RANBP2: variants seen among roughly 807,000 people sequenced by gnomAD.
RANBP2 encodes RAN binding protein 2.
Under a neutral mutation model 303.6 loss-of-function variants are expected in RANBP2, and 57 were observed. That is an observed-to-expected ratio of 0.19 (90% CI 0.15 to 0.23). The LOEUF (loss-of-function observed/expected upper bound fraction) is 0.23, where lower values mean the gene tolerates loss of function less well. RANBP2 is among the 10% of genes least tolerant of loss of function. The pLI is 1.00. For synonymous variants in RANBP2, 1,167 were observed against 1,301.5 expected (o/e 0.90, Z 2.23); for missense variants, 3,138 against 3,780.8 (o/e 0.83, Z 4.46).
At chr2:109,185,580 C>A in the RANBP2 span, among the ~76,000 whole-genome samples, 3 of 152,106 alleles carry the variant, frequency 2.0e-5, no homozygotes, top group African/African-American at 4.8e-5. Context: ...TTTGGCCAGG[C>A]GTTGGTTTTC....
At chr2:109,236,749 C>T in the RANBP2 span, among the ~76,000 whole-genome samples, 1 of 152,140 alleles carries the variant, frequency 6.6e-6, no homozygotes, top group East Asian at 1.9e-4. Flanking sequence ...TTCCTGTTTG[C>T]AAACTGGTGC....
intron 6 of RANBP2, among the ~76,000 whole-genome samples, chr2:108,739,465 T>A (rs928517916): frequency 3.4e-4 from 51 of 151,202 alleles, no homozygotes; most frequent in African/African-American, 1.1e-3. Flanking sequence ...AAAATATAAA[T>A]TTTTTTTTGG....
At chr2:109,680,755 G>T in the RANBP2 span, among the ~76,000 whole-genome samples, 5 of 152,094 alleles carry the variant, frequency 3.3e-5, no homozygotes, top group Non-Finnish European at 2.9e-5. Context: ...TTTTTCAAGT[G>T]ATTACTTTGC....
intron 25 of RANBP2, among the ~76,000 whole-genome samples, chr2:108,780,175 C>T (rs940181867): frequency 7.1e-6 from 1 of 140,514 alleles, no homozygotes. Context: ...AATTTACTAG[C>T]TTTTTTTTTT....
chr2:108,753,671 G>A, intron 14 of RANBP2, 108 bp downstream of exon 14: 5 of 1,585,754 alleles, frequency 3.2e-6, no homozygotes, highest in Non-Finnish European at 4.3e-6. Context: ...GCACAATCTT[G>A]GCTCACTGCA....
chr2:108,794,700 T>C, the RANBP2 span: 3 of 1,612,748 alleles, frequency 1.9e-6, no homozygotes, highest in Middle Eastern at 3.3e-4. Flanking sequence ...ACGAATTATT[T>C]CAGATACATC....
At chr2:109,643,469 C>G in the RANBP2 span, among the ~76,000 whole-genome samples, 2 of 152,020 alleles carry the variant, frequency 1.3e-5, no homozygotes, top group Admixed American at 6.6e-5. Context: ...AGTAAAGAAG[C>G]CTGCCAAAGG....
chr2:109,151,232 T>G, the RANBP2 span, among the ~76,000 whole-genome samples: 4 of 152,342 alleles, frequency 2.6e-5, no homozygotes, highest in South Asian at 6.2e-4. Flanking sequence ...CTGTGCTGTC[T>G]TCTTGTCCGA....
the RANBP2 span, among the ~76,000 whole-genome samples, chr2:109,221,307 G>T: frequency 1.3e-5 from 2 of 151,264 alleles, no homozygotes; most frequent in Non-Finnish European, 2.9e-5. Flanking sequence ...TCCTGGCTGG[G>T]CCAGGTGACT....
chr2:109,577,315 G>A, the RANBP2 span, among the ~76,000 whole-genome samples: 1 of 152,120 alleles, frequency 6.6e-6, no homozygotes, highest in Non-Finnish European at 1.5e-5. Flanking sequence ...TAGAGAACTC[G>A]GCCGGGCATG....
chr2:109,626,945 G>A, the RANBP2 span, among the ~76,000 whole-genome samples: 1 of 152,146 alleles, frequency 6.6e-6, no homozygotes, highest in African/African-American at 2.4e-5. Flanking sequence ...GCTACGGCTG[G>A]GTGGTGTGTG....
chr2:108,922,547 G>A, the RANBP2 span, among the ~76,000 whole-genome samples: 3 of 152,150 alleles, frequency 2.0e-5, no homozygotes, highest in Non-Finnish European at 4.4e-5. Context: ...CTTCTTTCCA[G>A]CGTGATAAGA....
the RANBP2 span, among the ~76,000 whole-genome samples, chr2:109,646,705 C>T: frequency 6.8e-6 from 1 of 147,980 alleles, no homozygotes; most frequent in Admixed American, 6.9e-5. Context: ...AGGGTTTCAC[C>T]ATGTTGGCCA....
At chr2:108,895,380 G>T in the RANBP2 span, 1 of 152,588 alleles carries the variant, frequency 6.6e-6, no homozygotes, top group Non-Finnish European at 1.5e-5. Context: ...AGGGAGTTCA[G>T]CAGTGAACTC....
chr2:108,941,692 T>A, the RANBP2 span, among the ~76,000 whole-genome samples: 4 of 152,232 alleles, frequency 2.6e-5, no homozygotes, highest in Non-Finnish European at 5.9e-5. Context: ...TACAACAACC[T>A]GACTGCCATT....
the RANBP2 span, chr2:109,490,633 T>C: frequency 6.7e-7 from 1 of 1,482,702 alleles, no homozygotes; most frequent in Non-Finnish European, 9.0e-7. Flanking sequence ...CTCCTGAAGC[T>C]TCTAGCCGGA....
chr2:109,656,850 T>C, the RANBP2 span, among the ~76,000 whole-genome samples: 1 of 151,968 alleles, frequency 6.6e-6, no homozygotes, highest in Non-Finnish European at 1.5e-5. Context: ...AAATGGAGAG[T>C]AGATGAAGCA....
At chr2:109,367,289 T>C in the RANBP2 span, among the ~76,000 whole-genome samples, 4 of 151,666 alleles carry the variant, frequency 2.6e-5, no homozygotes, top group Admixed American at 2.6e-4. Flanking sequence ...TTACTTTTTA[T>C]TTTTATTTTT....
At chr2:109,660,430 A>G in the RANBP2 span, among the ~76,000 whole-genome samples, 1 of 152,220 alleles carries the variant, frequency 6.6e-6, no homozygotes, top group Non-Finnish European at 1.5e-5. Context: ...TTTCCTTTCA[A>G]TAAATCTCTG....
Sources: gnomAD v4.1 joint callset for allele counts (sites outside exome capture counted in the v4.1 genomes callset) on GRCh38, gnomAD v4.1.1 for gene constraint, MANE v1.5 for transcripts, NCBI Gene and HGNC (gene_info 2026-07-23, HGNC 2026-07-21) for gene names.